Variants in DDX60 observed in about 807,000 individuals in gnomAD.
DDX60 encodes probable ATP-dependent RNA helicase DDX60.
Under a neutral mutation model 212.8 loss-of-function variants are expected in DDX60, and 165 were observed. The ratio of observed to expected loss-of-function variants is 0.78; its 90% CI spans 0.68 to 0.88. DDX60 has a LOEUF of 0.88. DDX60 is among the 40% of genes least tolerant of loss of function. DDX60 has a pLI of 0.00. For missense variants in DDX60, 1,905 were observed against 2,003.9 expected (o/e 0.95, Z 0.94); for synonymous variants, 703 against 685.3 (o/e 1.03, Z -0.40).
intron 1 of DDX60, among the ~76,000 whole-genome samples, chr4:168,315,045 C>T (rs1737304364): frequency 2.0e-5 from 3 of 152,146 alleles, no homozygotes; most frequent in Non-Finnish European, 2.9e-5. Context: ...TGGCCGACTA[C>T]TTGCATTTTA....
intron 12 of DDX60, 105 bp from the exon 13 acceptor site, chr4:168,283,711 G>C: frequency 5.3e-6 from 4 of 752,254 alleles, no homozygotes; most frequent in Non-Finnish European, 8.1e-6. Context: ...TAGTGGAAAA[G>C]TAATTTAATC....
intron 1 of DDX60, among the ~76,000 whole-genome samples, chr4:168,318,337 T>G (rs1417907312): frequency 6.6e-6 from 1 of 152,242 alleles, no homozygotes; most frequent in Non-Finnish European, 1.5e-5. Context: ...GCTCCCACCT[T>G]TGACGGGGAC....
At chr4:168,264,581 G>C (rs577922301) in intron 22 of DDX60, among the ~76,000 whole-genome samples, 1 of 152,166 alleles carries the variant, frequency 6.6e-6, no homozygotes, top group African/African-American at 2.4e-5. Context: ...AAGTCTCTTA[G>C]CCTTTTAGAG....
chr4:168,270,987 C>T (rs1466323787), intron 19 of DDX60, among the ~76,000 whole-genome samples: 1 of 148,878 alleles, frequency 6.7e-6, no homozygotes, highest in African/African-American at 2.5e-5. Context: ...AAGTGGTTCT[C>T]CTGCCTCAGC....
intron 7 of DDX60, among the ~76,000 whole-genome samples, chr4:168,293,092 AGTGT>A (rs1441279160): frequency 2.0e-5 from 3 of 152,206 alleles, no homozygotes; most frequent in African/African-American, 4.8e-5. Context: ...CATGCGTCTG[AGTGT>A]GTAAGTGTGT....
In DDX60 at chr4:168,293,819, GCT is replaced by G. The variant is rs1187304405; in HGVS notation, c.848_849del (p.Glu283AlafsTer8). 1 of 1,613,300 alleles carries G rather than the reference GCT, an allele frequency of 6.2e-7. No individual in the cohort carries two copies. The highest frequency in any genetic ancestry group is 8.5e-7 in the Non-Finnish European group (1 of 1,179,668). On this transcript the variant is annotated frameshift_variant, in exon 7 of 38. Transcript: ENST00000393743. LOFTEE classifies it high-confidence loss of function. ...RMYHRFLGNR[E>X]PSSGQETEIQ... ...ATCTCAGTTTCCTGACCAGAGGAGG[GCT>G]CTCTGTTTCCTAAAAAGCGATGGTA...
intron 3 of DDX60, among the ~76,000 whole-genome samples, chr4:168,310,609 A>T (rs1389174344): frequency 6.6e-6 from 1 of 152,138 alleles, no homozygotes; most frequent in Non-Finnish European, 1.5e-5. Context: ...GATAGACAAT[A>T]GATAGGATGG....
At chr4:168,286,416 AC>A (rs1553969593) in intron 10 of DDX60, among the ~76,000 whole-genome samples, 1 of 115,758 alleles carries the variant, frequency 8.6e-6, no homozygotes, top group African/African-American at 3.9e-5. Context: ...ACACACACAC[AC>A]CACACGAGAT....
At chr4:168,289,672 A>G (rs1736002633) in intron 8 of DDX60, among the ~76,000 whole-genome samples, 1 of 152,154 alleles carries the variant, frequency 6.6e-6, no homozygotes, top group Non-Finnish European at 1.5e-5. Flanking sequence ...ATTTCCAAAA[A>G]AGAAACCATT....
chr4:168,244,496 G>A lies in DDX60; in HGVS notation c.4164+1922C>T, dbSNP rs138682849. On this transcript the variant is annotated intron_variant, in intron 30 of 37. Coordinates refer to ENST00000393743, the MANE Select transcript of DDX60 (RefSeq NM_017631.6). ...AATCCCAGTACTTTGGGAGGCTAAG[G>A]TGGGTGGATCACAAGGTCAGGAGAT... Among the ~76,000 whole-genome samples the A allele has an allele frequency of 4.2e-4, 64 of 152,294 alleles. 2 individuals carry two copies. The East Asian group carries it at 0.012, about 29-fold the overall frequency.
At chr4:168,304,927 ATTCACTCGTCAGTCACTCAC>A (rs1560877208) in intron 5 of DDX60, among the ~76,000 whole-genome samples, 1 of 152,178 alleles carries the variant, frequency 6.6e-6, no homozygotes, top group African/African-American at 2.4e-5. Context: ...AAGCCTTCAC[ATTCACTCGTCAGTCACTCAC>A]TGACTCACCC....
At chr4:168,292,037 CTTTCTTTCTTTCT>C in intron 7 of DDX60, 131 bp from the exon 8 acceptor site, 1 of 418,164 alleles carries the variant, frequency 2.4e-6, no homozygotes, top group Middle Eastern at 6.2e-4. Context: ...TTCTTTCTTT[CTTTCTTTCTTTCT>C]TTTTTTTTTT....
Position 168,236,260 on chromosome 4 carries a change from G to C in DDX60, c.4525C>G (p.Gln1509Glu), listed in dbSNP as rs1733626405. Residue 1509 changes from glutamine to glutamate, a missense_variant, in exon 33 of 38, where the codon CAA (glutamine) becomes GAA (glutamate). Gln to Glu is a conservative substitution (Grantham distance 29). Coordinates refer to ENST00000393743, the MANE Select transcript of DDX60 (RefSeq NM_017631.6). Reference sequence around the variant, plus strand: ...AGAATCACACAGTTTACCTTTGATTGATAAAACTCGAAGTGTGCATCTTGG... The same window carrying C: ...AGAATCACACAGTTTACCTTTGATTCATAAAACTCGAAGTGTGCATCTTGG... Reference protein sequence around the residue: ...KFQDAHFEFYQSKVFLDDLPE... With the variant: ...KFQDAHFEFYESKVFLDDLPE... The C allele has an allele frequency of 1.2e-6, 2 of 1,609,820 alleles. No homozygotes were observed. The highest frequency in any genetic ancestry group is 1.7e-6 in the Non-Finnish European group (2 of 1,177,998).
intron 8 of DDX60, among the ~76,000 whole-genome samples, chr4:168,290,334 T>C (rs957663005): frequency 2.7e-5 from 4 of 148,136 alleles, no homozygotes; most frequent in East Asian, 2.0e-4. Flanking sequence ...TTTTCTTTTT[T>C]TTTTTTTTTT....
rs774764702 is a variant in DDX60, at chr4:168,286,416, A to ACACACACACACACACC, written c.1339+631_1339+632insGGTGTGTGTGTGTGTG. ...CACACACACACACACACACACACAC[A>ACACACACACACACACC]CCACACGAGATAGATAGATAGATAG... On this transcript the variant is annotated intron_variant, in intron 10 of 37. Coordinates refer to ENST00000393743, the MANE Select transcript of DDX60 (RefSeq NM_017631.6). 1.3e-3 allele frequency among the ~76,000 whole-genome samples: 153 copies of ACACACACACACACACC among 115,818 alleles called. 2 individuals carry two copies. The highest frequency in any genetic ancestry group is 4.7e-3 in the African/African-American group (120 of 25,724). The allele number at this position is 115,818 out of a possible 152,430, so 76.0% of individuals were successfully genotyped here. A position where few individuals can be genotyped will look rare whatever the true frequency, so the allele number is the denominator to read the frequency against.
In DDX60 at chr4:168,246,516, G is replaced by A. The variant is rs771925766; in HGVS notation, c.4066C>T (p.Pro1356Ser). 1 of 1,614,022 alleles carries A rather than the reference G, an allele frequency of 6.2e-7. No individual in the cohort carries two copies. Among genetic ancestry groups the A allele is most frequent in the Non-Finnish European group, 8.5e-7 (1 of 1,179,974 alleles). The change falls in exon 30 of 38, where the codon CCT (proline) becomes TCT (serine). Residue 1356 changes from proline (P) to serine (S), a missense_variant. Transcript: ENST00000393743. Reference sequence around the variant, plus strand: ...AGAGGGAAGTGTCCTCTCAGCTCAGGAACATTGGATTTTATGAGTTTTCCT... The same window carrying A: ...AGAGGGAAGTGTCCTCTCAGCTCAGAAACATTGGATTTTATGAGTTTTCCT... ...KIGKLIKSNV[P>S]ELRGHFPLSI...
At chr4:168,314,566 G>C (rs956550622) in intron 1 of DDX60, among the ~76,000 whole-genome samples, 3 of 152,134 alleles carry the variant, frequency 2.0e-5, no homozygotes, top group Non-Finnish European at 2.9e-5. Flanking sequence ...AATTTTACAA[G>C]GAAGAAAGTC....
the DDX60 span, among the ~76,000 whole-genome samples, chr4:168,324,891 T>C: frequency 6.6e-6 from 1 of 152,202 alleles, no homozygotes; most frequent in Non-Finnish European, 1.5e-5. Context: ...GCAAAGACTG[T>C]GTGCAACAGA....
intron 5 of DDX60, among the ~76,000 whole-genome samples, chr4:168,302,817 C>T (rs1736702279): frequency 6.6e-6 from 1 of 152,136 alleles, no homozygotes; most frequent in Non-Finnish European, 1.5e-5. Context: ...AAATTTCAAA[C>T]ATACACATGA....
Sources: gnomAD v4.1 joint callset for allele counts (sites outside exome capture counted in the v4.1 genomes callset) on GRCh38, gnomAD v4.1.1 for gene constraint, MANE v1.5 for transcripts, NCBI Gene and HGNC (gene_info 2026-07-23, HGNC 2026-07-21) for gene names.